LYSET: variants seen among roughly 807,000 people sequenced by gnomAD.
LYSET encodes GNPTAB cleavage and activity factor.
the LYSET span, chr14:93,187,043 G>A: frequency 6.5e-4 from 132 of 203,332 alleles, no homozygotes; most frequent in South Asian, 0.023. Context: ...TGTGTTAAGT[G>A]TAAAAAGGTC....
chr14:93,188,338 T>C, the LYSET span, among the ~76,000 whole-genome samples: 8 of 152,350 alleles, frequency 5.3e-5, no homozygotes, highest in Non-Finnish European at 8.8e-5. Flanking sequence ...TTTCTGATTT[T>C]CTTTTCTGGC....
At chr14:93,187,667 T>A in the LYSET span, among the ~76,000 whole-genome samples, 1 of 152,166 alleles carries the variant, frequency 6.6e-6, no homozygotes, top group Non-Finnish European at 1.5e-5. Flanking sequence ...AGCCTTGCTT[T>A]GTCACCCAGG....
At chr14:93,185,349 C>T in the LYSET span, 1 of 1,560,054 alleles carries the variant, frequency 6.4e-7, no homozygotes, top group Non-Finnish European at 8.8e-7. Flanking sequence ...TGGCGGCGCT[C>T]ACCTTTCTCC....
At chr14:93,186,188 G>A in the LYSET span, 2 of 1,447,088 alleles carry the variant, frequency 1.4e-6, no homozygotes, top group African/African-American at 1.4e-5. Context: ...TGGAGATAAA[G>A]CAAGTACATT....
At chr14:93,186,075 T>A in the LYSET span, among the ~76,000 whole-genome samples, 1 of 152,104 alleles carries the variant, frequency 6.6e-6, no homozygotes, top group Non-Finnish European at 1.5e-5. Flanking sequence ...TTCACCATGT[T>A]AGCCAGGATG....
At chr14:93,185,232 G>C in the LYSET span, 1 of 416,058 alleles carries the variant, frequency 2.4e-6, no homozygotes, top group East Asian at 4.0e-5. Context: ...CCTCCCTGCC[G>C]GGTCAGGTTC....
chr14:93,188,221 C>T, the LYSET span, among the ~76,000 whole-genome samples: 1 of 152,174 alleles, frequency 6.6e-6, no homozygotes, highest in Non-Finnish European at 1.5e-5. Context: ...TCCCAAAGTA[C>T]TAGGATAACA....
chr14:93,186,567 G>C, the LYSET span: 2 of 1,614,160 alleles, frequency 1.2e-6, no homozygotes, highest in Non-Finnish European at 1.7e-6. Context: ...CAAAACAGTG[G>C]GCTACTGTAT....
At chr14:93,186,034 A>AT in the LYSET span, among the ~76,000 whole-genome samples, 13 of 150,706 alleles carry the variant, frequency 8.6e-5, no homozygotes, top group Non-Finnish European at 1.5e-4. Flanking sequence ...ACGCCCGGCT[A>AT]TTTTTTTTGT....
the LYSET span, among the ~76,000 whole-genome samples, chr14:93,187,992 T>G: frequency 6.7e-6 from 1 of 150,308 alleles, no homozygotes; most frequent in Non-Finnish European, 1.5e-5. Context: ...GGAGTCTTGC[T>G]CTGTAGCCCA....
the LYSET span, chr14:93,185,249 C>T: frequency 1.9e-6 from 1 of 532,898 alleles, no homozygotes; most frequent in Non-Finnish European, 3.1e-6. Context: ...GTTCTCAGAG[C>T]GGGTCTCCGG....
chr14:93,185,684 G>C, the LYSET span, among the ~76,000 whole-genome samples: 1 of 152,084 alleles, frequency 6.6e-6, no homozygotes. Context: ...TTTATTCTGA[G>C]GGATTCCCGT....
the LYSET span, among the ~76,000 whole-genome samples, chr14:93,187,941 C>T: frequency 6.6e-6 from 1 of 152,066 alleles, no homozygotes; most frequent in African/African-American, 2.4e-5. Context: ...GCATGAGCCA[C>T]CATGCCTAGC....
the LYSET span, chr14:93,185,306 C>G: frequency 8.7e-7 from 1 of 1,154,774 alleles, no homozygotes. Context: ...GCAGTCACGC[C>G]GTTCTTAATC....
At chr14:93,185,000 C>CGGCG in the LYSET span, 2 of 159,844 alleles carry the variant, frequency 1.3e-5, no homozygotes, top group Admixed American at 1.3e-4. The surrounding 1 kb of genome is among the most constrained non-coding windows in gnomAD (Gnocchi z 4.2). Context: ...GCATCCGGGA[C>CGGCG]GGCGGGCGGG....
At chr14:93,186,940 G>C in the LYSET span, 6 of 422,328 alleles carry the variant, frequency 1.4e-5, no homozygotes, top group African/African-American at 1.2e-4. Context: ...ACTTGACTAA[G>C]TACCTGAATT....
At chr14:93,186,495 ATT>A in the LYSET span, 1 of 1,614,132 alleles carries the variant, frequency 6.2e-7, no homozygotes, top group Non-Finnish European at 8.5e-7. Context: ...GTGGACAGTT[ATT>A]TTTCTGGTAC....
At chr14:93,186,465 C>T in the LYSET span, 7 of 1,614,126 alleles carry the variant, frequency 4.3e-6, no homozygotes, top group East Asian at 1.1e-4. Context: ...AGCTCAATTA[C>T]TCTCCTTGCC....
chr14:93,186,219 C>G, the LYSET span: 6 of 1,545,420 alleles, frequency 3.9e-6, no homozygotes, highest in Non-Finnish European at 5.3e-6. Flanking sequence ...GCCGTGACAG[C>G]ATTACTAGAC....
Sources: gnomAD v4.1 joint callset for allele counts (sites outside exome capture counted in the v4.1 genomes callset) on GRCh38, gnomAD v4.1.1 for gene constraint, Gnocchi (gnomAD v3.1) non-coding constraint, MANE v1.5 for transcripts, NCBI Gene and HGNC (gene_info 2026-07-23, HGNC 2026-07-21) for gene names.